Variants in HPSE2 observed in about 807,000 individuals in gnomAD.
HPSE2 encodes the protein heparanase 2 (inactive).
Under a neutral mutation model 60.5 loss-of-function variants are expected in HPSE2, and 38 were observed. The ratio of observed to expected loss-of-function variants is 0.63; its 90% confidence interval spans 0.48 to 0.82. The LOEUF is 0.82. Ranked by LOEUF, HPSE2 falls within the 40% of genes least tolerant of loss-of-function variation. HPSE2 has a pLI of 0.00. For synonymous variants in HPSE2, 295 were observed against 293.2 expected (o/e 1.01, Z -0.06); for missense variants, 713 against 740.4 (o/e 0.96, Z 0.43).
chr10:98,714,173 C>G (rs899571586), intron 5 of HPSE2, among the ~76,000 whole-genome samples: 74 of 151,778 alleles, frequency 4.9e-4, no homozygotes, highest in African/African-American at 1.7e-3. Context: ...TATCTTTTAT[C>G]TTCTAAATAT....
chr10:98,866,661 G>C (rs1952594947), intron 3 of HPSE2, among the ~76,000 whole-genome samples: 1 of 152,042 alleles, frequency 6.6e-6, no homozygotes, highest in Admixed American at 6.6e-5. Flanking sequence ...TAAGACTTCA[G>C]ATTCCTCACT....
intron 3 of HPSE2, among the ~76,000 whole-genome samples, chr10:98,968,036 C>T (rs1955857812): frequency 6.6e-6 from 1 of 152,110 alleles, no homozygotes; most frequent in East Asian, 1.9e-4. Context: ...TCATAGACTT[C>T]CCCCTCCCTA....
intron 6 of HPSE2, among the ~76,000 whole-genome samples, chr10:98,675,882 AT>A (rs149748391): frequency 6.6e-6 from 1 of 152,000 alleles, no homozygotes; most frequent in Admixed American, 6.6e-5. Context: ...CTCTACAAAC[AT>A]TTTTTAAAAA....
intron 9 of HPSE2, among the ~76,000 whole-genome samples, chr10:98,564,983 T>C (rs1055295591): frequency 3.9e-5 from 6 of 152,150 alleles, no homozygotes; most frequent in Non-Finnish European, 8.8e-5. Flanking sequence ...GTATAGTCAT[T>C]TGTCCTGTTC....
intron 4 of HPSE2, among the ~76,000 whole-genome samples, chr10:98,728,408 AGGAGTTTGAGACCAGCCTGG>A (rs1322207908): frequency 6.6e-6 from 1 of 152,110 alleles, no homozygotes; most frequent in Non-Finnish European, 1.5e-5. Flanking sequence ...ACCTGAGGTC[AGGAGTTTGAGACCAGCCTGG>A]CCAACATGGT....
chr10:98,650,642 C>T (rs770615599), intron 6 of HPSE2, among the ~76,000 whole-genome samples: 22 of 152,130 alleles, frequency 1.4e-4, no homozygotes, highest in Non-Finnish European at 2.4e-4. Flanking sequence ...TCTTATTTTT[C>T]TATATTTAGA....
intron 3 of HPSE2, among the ~76,000 whole-genome samples, chr10:99,101,294 A>G (rs1386421284): frequency 1.3e-5 from 2 of 152,316 alleles, no homozygotes; most frequent in East Asian, 3.9e-4. Flanking sequence ...ATGGAGGAAG[A>G]TCTACCAAGC....
At position 98,929,997 on chromosome 10, in the gene HPSE2, T is replaced by G. The variant is rs990461756; in HGVS notation, c.611-185941A>C. Among the ~76,000 whole-genome samples the G allele has an allele frequency of 3.5e-5, 5 of 143,676 alleles. 1 individual carries two copies. Among genetic ancestry groups the G allele is most frequent in the African/African-American group, 1.4e-4 (5 of 35,230 alleles). 94.3% of individuals were successfully genotyped at this position (143,676 alleles called of 152,430 possible). On this transcript the variant is annotated intron_variant, in intron 3 of 11. Coordinates refer to ENST00000370552, the MANE Select transcript of HPSE2 (RefSeq NM_021828.5). ...ATATGAGTGCTTTTTTAAAAAAAAT[T>G]AAGTTCTGGGATACCTGTACAAGAT...
intron 9 of HPSE2, among the ~76,000 whole-genome samples, chr10:98,492,510 C>CAAAAAAAAAAAA (rs10645866): frequency 3.0e-4 from 33 of 111,682 alleles, no homozygotes; most frequent in African/African-American, 4.5e-4. Flanking sequence ...TCAAAAAAGA[C>CAAAAAAAAAAAA]AAAAAAAAAA....
intron 7 of HPSE2, among the ~76,000 whole-genome samples, chr10:98,634,670 T>A (rs1946450425): frequency 6.6e-6 from 1 of 152,226 alleles, no homozygotes; most frequent in South Asian, 2.1e-4. Context: ...ACTTCCATGG[T>A]CCTGCAACTA....
At chr10:99,249,957 C>A in the HPSE2 span, among the ~76,000 whole-genome samples, 3 of 152,114 alleles carry the variant, frequency 2.0e-5, no homozygotes, top group Admixed American at 2.0e-4. Flanking sequence ...GCCTGGCCAA[C>A]ATGGTGAAAC....
intron 9 of HPSE2, among the ~76,000 whole-genome samples, chr10:98,499,831 T>C (rs569430394): frequency 7.9e-5 from 12 of 152,280 alleles, no homozygotes; most frequent in African/African-American, 2.9e-4. Flanking sequence ...GAAAAAGGCA[T>C]TTCATGCAAA....
At chr10:98,725,861 T>C (rs1351333890) in intron 4 of HPSE2, among the ~76,000 whole-genome samples, 1 of 152,176 alleles carries the variant, frequency 6.6e-6, no homozygotes, top group Admixed American at 6.5e-5. Context: ...AAGACATTTA[T>C]GCAGCCAAAA....
chr10:99,052,974 A>G (rs1958023537), intron 3 of HPSE2, among the ~76,000 whole-genome samples: 1 of 151,976 alleles, frequency 6.6e-6, no homozygotes, highest in Non-Finnish European at 1.5e-5. Flanking sequence ...AATAAAGGGG[A>G]CTGGAAATGA....
At chr10:98,471,226 G>A (rs533619801) in intron 11 of HPSE2, among the ~76,000 whole-genome samples, 6 of 152,254 alleles carry the variant, frequency 3.9e-5, no homozygotes, top group Non-Finnish European at 7.4e-5. Context: ...AGTTTATAGT[G>A]GGACAGTGGT....
At chr10:98,505,112 G>A (rs1942158356) in intron 9 of HPSE2, among the ~76,000 whole-genome samples, 1 of 152,174 alleles carries the variant, frequency 6.6e-6, no homozygotes, top group Non-Finnish European at 1.5e-5. Flanking sequence ...TGATGGATAT[G>A]TGTGTCCAGA....
chr10:98,895,158 C>CA (rs1286029329), intron 3 of HPSE2, among the ~76,000 whole-genome samples: 4 of 151,248 alleles, frequency 2.6e-5, no homozygotes, highest in South Asian at 2.1e-4. Context: ...ATTAGGATTA[C>CA]AAAAAAAATC....
intron 9 of HPSE2, among the ~76,000 whole-genome samples, chr10:98,613,681 A>G (rs1945821736): frequency 6.6e-6 from 1 of 152,196 alleles, no homozygotes; most frequent in African/African-American, 2.4e-5. Context: ...ATAGTTCTGT[A>G]GAAAGAGCAC....
At chr10:99,286,221 G>C in the HPSE2 span, among the ~76,000 whole-genome samples, 1 of 152,212 alleles carries the variant, frequency 6.6e-6, no homozygotes, top group East Asian at 1.9e-4. Flanking sequence ...AATTCCACTT[G>C]TTATATATCC....
Sources: allele counts gnomAD v4.1 joint callset (sites outside exome capture counted in the v4.1 genomes callset), GRCh38; gene constraint gnomAD v4.1.1; transcripts MANE v1.5; gene names NCBI Gene and HGNC (gene_info 2026-07-23, HGNC 2026-07-21).